The following KCNH1 variants were observed in gnomAD, a reference collection of about 807,000 sequenced individuals.
KCNH1 encodes the protein potassium voltage-gated channel subfamily H member 1.
Under a neutral mutation model 69.2 loss-of-function variants are expected in KCNH1, and 27 were observed. The observed-to-expected ratio is 0.39, with a 90% CI of 0.29 to 0.54. The LOEUF (loss-of-function observed/expected upper bound fraction) is 0.54, where lower values mean the gene tolerates loss of function less well. Among genes scored for constraint, KCNH1 ranks in the 20% least tolerant of loss-of-function variants. The pLI is 0.68. For synonymous variants in KCNH1, 456 were observed against 487.7 expected (o/e 0.93, Z 0.86); for missense variants, 798 against 1,261.6 (o/e 0.63, Z 5.57).
intron 8 of KCNH1, among the ~76,000 whole-genome samples, chr1:210,798,065 A>G (rs575426349): frequency 1.3e-4 from 19 of 141,678 alleles, no homozygotes; most frequent in Non-Finnish European, 2.3e-4. Flanking sequence ...TTTAAGACAG[A>G]GTCTTGCTCT....
intron 10 of KCNH1, among the ~76,000 whole-genome samples, chr1:210,686,502 C>G (rs1681411600): frequency 6.6e-6 from 1 of 152,172 alleles, no homozygotes; most frequent in Non-Finnish European, 1.5e-5. Flanking sequence ...GGCCAACTTT[C>G]TTCTGCCTAC....
intron 10 of KCNH1, among the ~76,000 whole-genome samples, chr1:210,712,646 T>G (rs1682105585): frequency 6.6e-6 from 1 of 152,166 alleles, no homozygotes; most frequent in Admixed American, 6.5e-5. Flanking sequence ...AAGCAGAAAG[T>G]GATGGCAGAA....
chr1:210,988,106 T>C (rs753619263), intron 6 of KCNH1, among the ~76,000 whole-genome samples: 3 of 152,246 alleles, frequency 2.0e-5, no homozygotes, highest in African/African-American at 7.2e-5. Context: ...AATCTCCTGA[T>C]GTGCCATTTG....
intron 7 of KCNH1, among the ~76,000 whole-genome samples, chr1:210,874,167 G>C (rs1456926329): frequency 1.3e-5 from 2 of 152,204 alleles, no homozygotes; most frequent in Admixed American, 1.3e-4. Flanking sequence ...TGTAGCAGCT[G>C]CATGTAGCCC....
At chr1:210,898,351 T>G (rs1462665283) in intron 7 of KCNH1, among the ~76,000 whole-genome samples, 1 of 152,232 alleles carries the variant, frequency 6.6e-6, no homozygotes, top group Non-Finnish European at 1.5e-5. Context: ...TAAATATTTA[T>G]AAACCTCAGC....
intron 7 of KCNH1, among the ~76,000 whole-genome samples, chr1:210,867,871 C>T (rs551265812): frequency 5.6e-4 from 85 of 151,916 alleles, no homozygotes; most frequent in Non-Finnish European, 1.1e-3. Flanking sequence ...TTTTTTATTG[C>T]TGAGAGTATT....
At chr1:210,842,393 G>A (rs1199700937) in intron 7 of KCNH1, among the ~76,000 whole-genome samples, 2 of 152,012 alleles carry the variant, frequency 1.3e-5, no homozygotes, top group African/African-American at 4.8e-5. Flanking sequence ...AGATAGACAG[G>A]GAACACAGAT....
chr1:210,956,865 T>C (rs943311015), intron 6 of KCNH1, among the ~76,000 whole-genome samples: 3 of 152,162 alleles, frequency 2.0e-5, no homozygotes, highest in Non-Finnish European at 2.9e-5. Context: ...AAAAATCAGC[T>C]CCTGGATTCA....
At chr1:210,985,971 A>C (rs1321161187) in intron 6 of KCNH1, among the ~76,000 whole-genome samples, 1 of 152,154 alleles carries the variant, frequency 6.6e-6, no homozygotes, top group East Asian at 1.9e-4. Context: ...GTGCTCCTGT[A>C]TTGGGTGCAT....
At chr1:211,042,148 C>A (rs997177673) in intron 5 of KCNH1, among the ~76,000 whole-genome samples, 2 of 152,188 alleles carry the variant, frequency 1.3e-5, no homozygotes, top group African/African-American at 4.8e-5. Flanking sequence ...TTCTTCTCAA[C>A]TTTTAGGTCT....
At chr1:210,775,243 T>A in intron 10 of KCNH1, 105 bp downstream of exon 10, 1 of 932,192 alleles carries the variant, frequency 1.1e-6, no homozygotes, top group Non-Finnish European at 1.6e-6. Flanking sequence ...TTAGAACCAA[T>A]TACTCTACTT....
intron 8 of KCNH1, among the ~76,000 whole-genome samples, chr1:210,803,464 G>T (rs950870286): frequency 3.3e-5 from 5 of 152,030 alleles, no homozygotes; most frequent in Admixed American, 6.5e-5. Context: ...AACAGCCTTG[G>T]GCACACAAAT....
At chr1:210,779,373 G>A (rs144670608) in intron 9 of KCNH1, among the ~76,000 whole-genome samples, 14 of 152,314 alleles carry the variant, frequency 9.2e-5, no homozygotes, top group African/African-American at 1.9e-4. Flanking sequence ...TGGCAAATGC[G>A]AAATGTTTTT....
chr1:210,853,946 C>CAAAAGAAA (rs1685767233), intron 7 of KCNH1, among the ~76,000 whole-genome samples: 1 of 61,534 alleles, frequency 1.6e-5, no homozygotes, highest in Non-Finnish European at 2.7e-5. Flanking sequence ...TTATCTAAGC[C>CAAAAGAAA]AAAAAAAAAA....
chr1:210,925,345 A>C (rs1687546507), intron 6 of KCNH1, among the ~76,000 whole-genome samples: 1 of 152,216 alleles, frequency 6.6e-6, no homozygotes, highest in African/African-American at 2.4e-5. Flanking sequence ...CTACTGCAGG[A>C]ATATATCAGG....
intron 5 of KCNH1, among the ~76,000 whole-genome samples, chr1:211,044,823 C>T (rs1389603233): frequency 6.6e-6 from 1 of 151,728 alleles, no homozygotes; most frequent in Admixed American, 6.6e-5. Flanking sequence ...ACTAGCACAA[C>T]CACCATGGAA....
intron 5 of KCNH1, among the ~76,000 whole-genome samples, chr1:211,072,127 T>A (rs1451421333): frequency 6.6e-6 from 1 of 151,972 alleles, no homozygotes; most frequent in Non-Finnish European, 1.5e-5. Context: ...ATTACAAAAA[T>A]TAGCCGTGCA....
In KCNH1 at chr1:210,681,701, C is replaced by T. The variant is rs1681270636; in HGVS notation, c.*1580G>A. On this transcript the variant is annotated 3_prime_UTR_variant, in exon 11 of 11. Transcript: ENST00000271751. ...GCAGAGGTACCAGGAATGGGGTCAC[C>T]GTCTAACACAGGCAAAGGTAAGCTC... 2.0e-5 allele frequency: 3 copies of T among 152,324 alleles called. No individual in the cohort carries two copies. The highest frequency in any genetic ancestry group is 1.3e-4 in the Admixed American group (2 of 15,286). 9.4% of individuals were successfully genotyped at this position (152,324 alleles called of 1,614,324 possible).
At chr1:210,982,715 T>C (rs1558552770) in intron 6 of KCNH1, among the ~76,000 whole-genome samples, 2 of 152,348 alleles carry the variant, frequency 1.3e-5, no homozygotes, top group South Asian at 4.1e-4. Flanking sequence ...TTGTGAATAG[T>C]GCCGCAATAA....
Sources: allele counts gnomAD v4.1 joint callset (sites outside exome capture counted in the v4.1 genomes callset), GRCh38; gene constraint gnomAD v4.1.1; transcripts MANE v1.5; gene names NCBI Gene and HGNC (gene_info 2026-07-23, HGNC 2026-07-21).